DLGAP2: variants seen among roughly 807,000 people sequenced by gnomAD.
The protein encoded by DLGAP2 is DLG associated protein 2.
A neutral mutation model predicts 100.3 loss-of-function variants in DLGAP2; 26 were observed. That is an observed-to-expected ratio of 0.26 (90% CI 0.19 to 0.36). The LOEUF is 0.36. DLGAP2 is among the 10% of genes least tolerant of loss of function. The probability of loss-of-function intolerance (pLI) is 1.00; values close to 1 mark genes in which losing one functional copy is unlikely to be tolerated. For synonymous variants in DLGAP2, 886 were observed against 630.1 expected (o/e 1.41, Z -6.08); for missense variants, 1,858 against 1,453.2 (o/e 1.28, Z -4.53).
At chr8:1,042,013 C>A (rs1042844415) in intron 2 of DLGAP2, among the ~76,000 whole-genome samples, 1 of 152,174 alleles carries the variant, frequency 6.6e-6, no homozygotes, top group Admixed American at 6.5e-5. Context: ...TTCTGTGTCC[C>A]CTAGATGGAG....
intron 2 of DLGAP2, among the ~76,000 whole-genome samples, chr8:998,798 C>G (rs1413565024): frequency 6.6e-6 from 1 of 152,174 alleles, no homozygotes; most frequent in Non-Finnish European, 1.5e-5. Flanking sequence ...CTTGAATATA[C>G]TGTTTCACTG....
intron 6 of DLGAP2, among the ~76,000 whole-genome samples, chr8:1,584,687 A>G (rs924287252): frequency 6.6e-6 from 1 of 152,038 alleles, no homozygotes; most frequent in African/African-American, 2.4e-5. Flanking sequence ...GGACCTGGGG[A>G]TTCGAATGGC....
intron 6 of DLGAP2, among the ~76,000 whole-genome samples, chr8:1,623,827 G>T (rs181872541): frequency 6.6e-6 from 1 of 152,232 alleles, no homozygotes; most frequent in Non-Finnish European, 1.5e-5. Flanking sequence ...CATTTCTGGC[G>T]TAATCTTGCA....
chr8:899,136 G>A (rs570986106), intron 1 of DLGAP2, among the ~76,000 whole-genome samples: 3 of 152,296 alleles, frequency 2.0e-5, no homozygotes, highest in African/African-American at 4.8e-5. Flanking sequence ...ATGTCTTCAC[G>A]CCACTGACGC....
intron 3 of DLGAP2, among the ~76,000 whole-genome samples, chr8:1,411,226 G>A (rs1430704415): frequency 1.3e-5 from 2 of 152,064 alleles, no homozygotes; most frequent in Non-Finnish European, 2.9e-5. Context: ...GAAAATGAAT[G>A]TTTATATATA....
At chr8:1,691,684 C>T (rs1799264855) in intron 13 of DLGAP2, 58 bp downstream of exon 13, 4 of 1,344,442 alleles carry the variant, frequency 3.0e-6, no homozygotes, top group Non-Finnish European at 4.2e-6. Context: ...GGCATCATTC[C>T]ACAGATTCTC....
chr8:1,334,217 A>G (rs1044406946), intron 3 of DLGAP2, among the ~76,000 whole-genome samples: 3 of 152,204 alleles, frequency 2.0e-5, no homozygotes, highest in Non-Finnish European at 4.4e-5. Context: ...ATGAAAATCA[A>G]CAGCTTTTGG....
chr8:763,392 T>G (rs1414570340), intron 1 of DLGAP2, among the ~76,000 whole-genome samples: 1 of 152,252 alleles, frequency 6.6e-6, no homozygotes, highest in Non-Finnish European at 1.5e-5. Context: ...AAAAACTGCT[T>G]GAATCTGAAG....
intron 2 of DLGAP2, among the ~76,000 whole-genome samples, chr8:1,230,033 A>T (rs1798502923): frequency 6.6e-6 from 1 of 152,228 alleles, no homozygotes; most frequent in East Asian, 1.9e-4. Context: ...AAGAAAACGT[A>T]GTAAAAGACA....
chr8:1,202,449 G>C (rs1165785358), intron 2 of DLGAP2, among the ~76,000 whole-genome samples: 2 of 152,062 alleles, frequency 1.3e-5, no homozygotes, highest in Middle Eastern at 3.2e-3. Flanking sequence ...GTTTCAGTTT[G>C]GGTTTCTTAT....
At chr8:1,020,141 A>G (rs1801587711) in intron 2 of DLGAP2, among the ~76,000 whole-genome samples, 1 of 152,240 alleles carries the variant, frequency 6.6e-6, no homozygotes, top group Non-Finnish European at 1.5e-5. Flanking sequence ...AAGTATCCAT[A>G]CAGTGGCCTG....
chr8:1,327,754 G>A (rs1383842185), intron 3 of DLGAP2, among the ~76,000 whole-genome samples: 1 of 152,202 alleles, frequency 6.6e-6, no homozygotes, highest in Non-Finnish European at 1.5e-5. Context: ...TGAGGCAGGA[G>A]AATGGCTTGA....
intron 2 of DLGAP2, among the ~76,000 whole-genome samples, chr8:983,112 C>T (rs1800386188): frequency 6.6e-6 from 1 of 152,192 alleles, no homozygotes; most frequent in African/African-American, 2.4e-5. Flanking sequence ...GACGGACTAG[C>T]CGGCCTTGGT....
chr8:857,537 C>G (rs1176507472), intron 1 of DLGAP2, among the ~76,000 whole-genome samples: 1 of 152,084 alleles, frequency 6.6e-6, no homozygotes, highest in East Asian at 1.9e-4. Context: ...TAACAGACAC[C>G]ATCAAAAAGA....
At chr8:1,467,043 C>T (rs1168935765) in intron 3 of DLGAP2, among the ~76,000 whole-genome samples, 1 of 143,672 alleles carries the variant, frequency 7.0e-6, no homozygotes, top group Admixed American at 6.7e-5. Flanking sequence ...TGGGATTTTG[C>T]CGGGTGATAA....
chr8:1,622,272 C>G (rs1797364582), intron 6 of DLGAP2: 1 of 152,214 alleles, frequency 6.6e-6, no homozygotes, highest in Non-Finnish European at 1.5e-5. Flanking sequence ...AAGATGATCT[C>G]TGTATTTCAA....
chr8:801,653 T>A (rs999456816), intron 1 of DLGAP2, among the ~76,000 whole-genome samples: 1 of 152,156 alleles, frequency 6.6e-6, no homozygotes, highest in Non-Finnish European at 1.5e-5. Context: ...AAACACCTGC[T>A]TCTCCTGTGC....
chr8:1,346,924 C>T (rs1480686946), intron 3 of DLGAP2, among the ~76,000 whole-genome samples: 1 of 150,936 alleles, frequency 6.6e-6, no homozygotes, highest in African/African-American at 2.4e-5. Context: ...AGTTCCCATA[C>T]ACGTCTGCAT....
Position 1,694,645 on chromosome 8 carries a change from ACT to A in DLGAP2, c.2797-2500_2797-2499del, listed in dbSNP as rs2130881480. Among the ~76,000 whole-genome samples the A allele has an allele frequency of 2.0e-5, 3 of 152,020 alleles. No homozygotes were observed. In the East Asian group the frequency reaches 5.8e-4, roughly 30 times the overall value. ...CCACTGAGCCTGCCTCTGAATTTTAACTCCATCCAACCCCGGGGGGTGTGTGC... is the reference window on the plus strand; with the variant it reads ...CCACTGAGCCTGCCTCTGAATTTTAACCATCCAACCCCGGGGGGTGTGTGC... On this transcript the variant is annotated intron_variant, in intron 13 of 14. Transcript: ENST00000637795.
Sources: gnomAD v4.1 joint callset for allele counts (sites outside exome capture counted in the v4.1 genomes callset) on GRCh38, gnomAD v4.1.1 for gene constraint, MANE v1.5 for transcripts, NCBI Gene and HGNC (gene_info 2026-07-23, HGNC 2026-07-21) for gene names.